Variants in AMDHD2 observed in about 807,000 individuals in gnomAD.
The protein encoded by AMDHD2 is N-acetylglucosamine-6-phosphate deacetylase.
Under a neutral mutation model 41.8 loss-of-function variants are expected in AMDHD2, and 24 were observed. The ratio of observed to expected loss-of-function variants is 0.57; its 90% confidence interval spans 0.42 to 0.81. AMDHD2 has a LOEUF of 0.81. Among genes scored for constraint, AMDHD2 ranks in the 30% least tolerant of loss-of-function variants. The pLI is 0.00. For missense variants in AMDHD2, 540 were observed against 588.5 expected (o/e 0.92, Z 0.85); for synonymous variants, 332 against 255.5 (o/e 1.30, Z -2.85).
chr16:2,520,445 C>G lies in AMDHD2; in HGVS notation c.-14C>G. 3 of 1,231,230 alleles carry G rather than the reference C, an allele frequency of 2.4e-6. No homozygotes were observed. Among genetic ancestry groups the G allele is most frequent in the Non-Finnish European group, 3.1e-6 (3 of 981,138 alleles). 76.3% of individuals were successfully genotyped at this position (1,231,230 alleles called of 1,614,324 possible). ...GCGGGGCTCCGGAGCCGCTCGCTCC[C>G]GACACGGCTCACGATGCGCGGCGAG... is the stretch of plus-strand genomic sequence containing the variant. On this transcript the variant is annotated 5_prime_UTR_variant, in exon 1 of 11. Coordinates refer to ENST00000293971, the MANE Select transcript of AMDHD2 (RefSeq NM_001330449.2).
intron 3 of AMDHD2, among the ~76,000 whole-genome samples, chr16:2,521,385 C>CCGA (rs1665864186): frequency 6.6e-6 from 1 of 152,130 alleles, no homozygotes; most frequent in African/African-American, 2.4e-5. Flanking sequence ...ATAGGCCGTC[C>CCGA]CCACCCCCTG....
At position 2,530,111 on chromosome 16, in the gene AMDHD2, C is replaced by T; in HGVS notation, c.*548C>T. The T allele has an allele frequency of 8.0e-7, 1 of 1,244,684 alleles. No individual in the cohort carries two copies. Among genetic ancestry groups the T allele is most frequent in the Non-Finnish European group, 1.1e-6 (1 of 924,594 alleles). 77.1% of individuals were successfully genotyped at this position (1,244,684 alleles called of 1,614,324 possible). On this transcript the variant is annotated 3_prime_UTR_variant, in exon 11 of 11. Transcript: ENST00000293971. ...CCTGGTTCTGGGCCAGGGCACAGTG[C>T]CAGGGGCTCCGCTCTGACCTCCAGG...
At position 2,527,599 on chromosome 16, in the gene AMDHD2, T is replaced by G; in HGVS notation, c.399T>G (p.His133Gln). Residue 133 changes from histidine (H) to glutamine (Q), a missense_variant, in exon 4 of 11, where the codon CAT becomes CAG. Transcript: ENST00000293971. This position sits in a 1 kb window ranked among gnomAD's most constrained non-coding sequence, Gnocchi z 6.1. ...TCCCTGTGAAGAGTGGTGGTCCCCA[T>G]GGGGCAGGGGTCCTCGGTGAGTGGC... is the stretch of plus-strand genomic sequence containing the variant. ...PQIPVKSGGP[H>Q]GAGVLGLHLE... 2 of 1,613,102 alleles carry G rather than the reference T, an allele frequency of 1.2e-6. No homozygotes were observed. Among genetic ancestry groups the G allele is most frequent in the Non-Finnish European group, 1.7e-6 (2 of 1,179,694 alleles).
rs1440589064 is a variant in AMDHD2 at position 2,527,296 on chromosome 16, C to T, written c.361-265C>T. On this transcript the variant is annotated intron_variant, in intron 3 of 10. Transcript: ENST00000293971. The surrounding 1 kb of genome is among the most constrained non-coding windows in gnomAD (Gnocchi z 6.1). ...GCCCTGCTCCCTGGGCTGCTGTGCC[C>T]AGGGCCACCCTCAGTGCCCACAAGC... 1.3e-5 allele frequency among the ~76,000 whole-genome samples: 2 copies of T among 151,784 alleles called. No individual in the cohort carries two copies. Among genetic ancestry groups the T allele is most frequent in the East Asian group, 3.9e-4 (2 of 5,180 alleles).
chr16:2,529,387 C>T, intron 10 of AMDHD2, 88 bp from the exon 11 acceptor site: 1 of 1,578,842 alleles, frequency 6.3e-7, no homozygotes, highest in East Asian at 2.2e-5. Context: ...CTCAGTTTCC[C>T]CACCAGCGTC....
chr16:2,521,219 T>C (rs2065932440), intron 3 of AMDHD2, 96 bp downstream of exon 3: 3 of 1,370,516 alleles, frequency 2.2e-6, no homozygotes, highest in African/African-American at 1.7e-5. Flanking sequence ...CCCCAGCACG[T>C]ATTCCATGGT....
chr16:2,526,694 T>C (rs867754415), intron 3 of AMDHD2, among the ~76,000 whole-genome samples: 1 of 151,858 alleles, frequency 6.6e-6, no homozygotes, highest in Non-Finnish European at 1.5e-5. Flanking sequence ...TCCCAGCACT[T>C]TGGGAGACTA....
In AMDHD2 at chr16:2,528,056, G is replaced by T; in HGVS notation, c.629-4G>T. ...GGTGCAAAGTCTGAATCCAGGTCCCGCAGGGCACTCAGTGGCTGACCTGCG... is the reference window on the plus strand; with the variant it reads ...GGTGCAAAGTCTGAATCCAGGTCCCTCAGGGCACTCAGTGGCTGACCTGCG... On this transcript the variant is annotated splice_polypyrimidine_tract_variant and splice_region_variant and intron_variant, in intron 5 of 10. Transcript: ENST00000293971. The T allele has an allele frequency of 1.2e-6, 2 of 1,612,772 alleles. No homozygotes were observed. Among genetic ancestry groups the T allele is most frequent in the Non-Finnish European group, 1.7e-6 (2 of 1,179,882 alleles).
At chr16:2,521,910 A>G (rs559925567) in intron 3 of AMDHD2, among the ~76,000 whole-genome samples, 6 of 148,684 alleles carry the variant, frequency 4.0e-5, no homozygotes, top group Non-Finnish European at 7.4e-5. Context: ...TCAGCCTCCC[A>G]AGTAGCTGGG....
chr16:2,521,047 C>A lies in AMDHD2; in HGVS notation c.284C>A (p.Ala95Asp). The A allele has an allele frequency of 6.2e-7, 1 of 1,611,286 alleles. No homozygotes were observed. Among genetic ancestry groups the A allele is most frequent in the South Asian group, 1.1e-5 (1 of 90,512 alleles). ...EDVGSGVALV[A>D]RRILSHGVTS... ...GTGGGTTCGGGGGTTGCCCTCGTGGCCCGGAGGATCCTGTCGCACGGCGTC... is the reference window on the plus strand; with the variant it reads ...GTGGGTTCGGGGGTTGCCCTCGTGGACCGGAGGATCCTGTCGCACGGCGTC... Residue 95 changes from alanine to aspartate, a missense_variant, in exon 3 of 11, where the codon GCC (alanine) becomes GAC (aspartate). Coordinates refer to ENST00000293971, the MANE Select transcript of AMDHD2 (RefSeq NM_001330449.2).
Position 2,530,591 on chromosome 16 carries a change from C to CCTGGGCA in AMDHD2, c.*1030_*1036dup. On this transcript the variant is annotated 3_prime_UTR_variant, in exon 11 of 11. Coordinates refer to ENST00000293971, the MANE Select transcript of AMDHD2 (RefSeq NM_001330449.2). ...CTTCCCCCTTGCTTACAGGTGCTGT[C>CCTGGGCA]CTGGGCACAGGAGGTACGCGCCTGG... is the stretch of plus-strand genomic sequence containing the variant. 1 of 1,614,184 alleles carries CCTGGGCA rather than the reference C, an allele frequency of 6.2e-7. No individual in the cohort carries two copies.
Position 2,520,485 on chromosome 16 carries a change from G to T in AMDHD2, c.27G>T (p.Gly9=), listed in dbSNP as rs1380071713. The T allele has an allele frequency of 2.4e-6, 3 of 1,233,960 alleles. No homozygotes were observed. The highest frequency in any genetic ancestry group is 3.1e-6 in the Non-Finnish European group (3 of 982,498). 76.4% of individuals were successfully genotyped at this position (1,233,960 alleles called of 1,614,324 possible). MRGEQGAA[G]ARVLQFTNCR... ...TGCGCGGCGAGCAGGGCGCGGCGGGGGCCCGCGTGCTCCAGTTCACTAACT... is the reference window on the plus strand; with the variant it reads ...TGCGCGGCGAGCAGGGCGCGGCGGGTGCCCGCGTGCTCCAGTTCACTAACT... The change falls in exon 1 of 11, where the codon GGG becomes GGT. Residue 9 remains glycine, a synonymous_variant. Transcript: ENST00000293971.
Position 2,529,668 on chromosome 16 carries a change from G to C in AMDHD2, c.*105G>C, listed in dbSNP as rs2066059400. ...AGTGAGTCGGGAGCCCTGCTGGATT[G>C]ATGCCCAGGGCCTGTGCGGCCGCCC... On this transcript the variant is annotated 3_prime_UTR_variant, in exon 11 of 11. Coordinates refer to ENST00000293971, the MANE Select transcript of AMDHD2 (RefSeq NM_001330449.2). The C allele has an allele frequency of 6.4e-7, 1 of 1,557,794 alleles. No homozygotes were observed. Among genetic ancestry groups the C allele is most frequent in the Non-Finnish European group, 8.6e-7 (1 of 1,157,402 alleles).
intron 3 of AMDHD2, among the ~76,000 whole-genome samples, chr16:2,523,446 C>A (rs969861600): frequency 6.6e-6 from 1 of 152,136 alleles, no homozygotes; most frequent in African/African-American, 2.4e-5. Flanking sequence ...TGTCATGTAT[C>A]GGCTGGAAGA....
At chr16:2,521,205 C>T in intron 3 of AMDHD2, 82 bp downstream of exon 3, 4 of 1,415,252 alleles carry the variant, frequency 2.8e-6, no homozygotes, top group Non-Finnish European at 2.8e-6. Context: ...GCCCCACCCC[C>T]CACCCCCAGC....
At position 2,529,995 on chromosome 16, in the gene AMDHD2, C is replaced by T. The variant is rs542341879; in HGVS notation, c.*432C>T. 9.7e-5 allele frequency: 71 copies of T among 735,142 alleles called. No individual in the cohort carries two copies. In the African/African-American group the frequency reaches 1.1e-3, roughly 11 times the overall value. The allele number at this position is 735,142 out of a possible 1,614,324, so 45.5% of individuals were successfully genotyped here. A position where few individuals can be genotyped will look rare whatever the true frequency, so the allele number is the denominator to read the frequency against. On this transcript the variant is annotated 3_prime_UTR_variant, in exon 11 of 11. Transcript: ENST00000293971. ...GCCACCATGGGCTGGGGGTGAAGAG[C>T]CGGCAGGAAGGGGACCAGTCACAGG...
rs760659331 is a variant in AMDHD2, at chr16:2,529,734, C to A, written c.*171C>A. The A allele has an allele frequency of 1.4e-6, 2 of 1,446,210 alleles. No homozygotes were observed. Among genetic ancestry groups the A allele is most frequent in the East Asian group, 5.0e-5 (2 of 39,968 alleles). 89.6% of individuals were successfully genotyped at this position (1,446,210 alleles called of 1,614,324 possible). On this transcript the variant is annotated 3_prime_UTR_variant, in exon 11 of 11. Coordinates refer to ENST00000293971, the MANE Select transcript of AMDHD2 (RefSeq NM_001330449.2). ...GGATAAACGTGCACCCAGCAGGACTCGCCTTGGCTCCGGGTTTTGCTTGTG... is the reference window on the plus strand; with the variant it reads ...GGATAAACGTGCACCCAGCAGGACTAGCCTTGGCTCCGGGTTTTGCTTGTG...
rs1489447766 is a variant in AMDHD2, at chr16:2,528,486, G to A, written c.897G>A (p.Leu299=). The change falls in exon 8 of 11, where the codon TTG becomes TTA. Residue 299 remains leucine (L), a synonymous_variant. Transcript: ENST00000293971. ...LVLVTDAIPA[L]GLGNGRHTLG... Reference sequence around the variant, plus strand: ...TGGTCACCGATGCCATCCCTGCCTTGGGCCTGGGCAACGGCCGGCACACGC... The same window carrying A: ...TGGTCACCGATGCCATCCCTGCCTTAGGCCTGGGCAACGGCCGGCACACGC... The A allele has an allele frequency of 8.1e-6, 13 of 1,612,674 alleles. No individual in the cohort carries two copies. Among genetic ancestry groups the A allele is most frequent in the Non-Finnish European group, 1.0e-5 (12 of 1,179,914 alleles).
Position 2,531,207 on chromosome 16 carries a change from G to A in AMDHD2, c.*1644G>A, listed in dbSNP as rs1166119438. ...TCACCGGCCAGCGCCCCACCTCCCT[G>A]GCTGGAGGGTCGGGGAGGGGCTGGC... is the stretch of plus-strand genomic sequence containing the variant. On this transcript the variant is annotated 3_prime_UTR_variant, in exon 11 of 11. Coordinates refer to ENST00000293971, the MANE Select transcript of AMDHD2 (RefSeq NM_001330449.2). The A allele has an allele frequency of 5.8e-6, 7 of 1,212,168 alleles. No homozygotes were observed. Among genetic ancestry groups the A allele is most frequent in the Non-Finnish European group, 6.8e-6 (6 of 877,750 alleles). The allele number at this position is 1,212,168 out of a possible 1,614,324, so 75.1% of individuals were successfully genotyped here.
Sources: gnomAD v4.1 joint callset for allele counts (sites outside exome capture counted in the v4.1 genomes callset) on GRCh38, gnomAD v4.1.1 for gene constraint, Gnocchi (gnomAD v3.1) non-coding constraint, MANE v1.5 for transcripts, NCBI Gene and HGNC (gene_info 2026-07-23, HGNC 2026-07-21) for gene names.